The following ETNPPL variants were observed in gnomAD, a reference collection of about 807,000 sequenced individuals.
ETNPPL encodes the protein ethanolamine-phosphate phospho-lyase.
A neutral mutation model predicts 55.5 loss-of-function variants in ETNPPL; 30 were observed. The ratio of observed to expected loss-of-function variants is 0.54; its 90% CI spans 0.40 to 0.73. The LOEUF (loss-of-function observed/expected upper bound fraction) is 0.73, where lower values mean the gene tolerates loss of function less well. Among genes scored for constraint, ETNPPL ranks in the 30% least tolerant of loss-of-function variants. ETNPPL has a pLI of 0.00. For synonymous variants in ETNPPL, 202 were observed against 207.2 expected (o/e 0.98, Z 0.21); for missense variants, 528 against 607.9 (o/e 0.87, Z 1.38).
At position 108,742,177 on chromosome 4, in the gene ETNPPL, G is replaced by A. The variant is rs1728248011; in HGVS notation, c.*307C>T. 1 of 206,564 alleles carries A rather than the reference G, an allele frequency of 4.8e-6. No homozygotes were observed. The highest frequency in any genetic ancestry group is 5.2e-5 in the Admixed American group (1 of 19,192). 12.8% of individuals were successfully genotyped at this position (206,564 alleles called of 1,614,324 possible). A position where few individuals can be genotyped will look rare whatever the true frequency, so the allele number is the denominator to read the frequency against. The stretch of plus-strand genomic sequence containing the variant: ...CCTGTTATACTTTGCTCTCTAATTT[G>A]ACACATTAAAACATGAGAGGTAAAT... On this transcript the variant is annotated 3_prime_UTR_variant, in exon 13 of 13. Coordinates refer to ENST00000296486, the MANE Select transcript of ETNPPL (RefSeq NM_031279.4).
At chr4:108,750,120 A>C (rs1728826153) in intron 7 of ETNPPL, among the ~76,000 whole-genome samples, 1 of 152,184 alleles carries the variant, frequency 6.6e-6, no homozygotes, top group Admixed American at 6.5e-5. Flanking sequence ...TGTAATGGTT[A>C]ATACTGAGTG....
chr4:108,743,656 C>T (rs1232264721), intron 12 of ETNPPL, 133 bp downstream of exon 12: 2 of 691,564 alleles, frequency 2.9e-6, no homozygotes, highest in African/African-American at 3.6e-5. Flanking sequence ...AAAATTGCAA[C>T]AATAAGTGAA....
rs890039959 is a variant in ETNPPL at position 108,749,361 on chromosome 4, G to T, written c.804C>A (p.Asp268Glu). 1 of 1,614,020 alleles carries T rather than the reference G, an allele frequency of 6.2e-7. No homozygotes were observed. The highest frequency in any genetic ancestry group is 1.7e-5 in the Admixed American group (1 of 59,986). ...HFWSFQMYGE[D>E]FVPDIVTMGK... ...CCATTGTGACGATGTCTGGAACAAA[G>T]TCTTCACCATACATCTGGAAGCTCC... Residue 268 changes from aspartate to glutamate, a missense_variant, in exon 8 of 13, where the codon GAC becomes GAA. Coordinates refer to ENST00000296486, the MANE Select transcript of ETNPPL (RefSeq NM_031279.4).
intron 4 of ETNPPL, 35 bp downstream of exon 4, chr4:108,756,383 G>A (rs28523754): frequency 1.3e-6 from 2 of 1,492,440 alleles, no homozygotes; most frequent in African/African-American, 1.4e-5. Context: ...CTCTGAAGAA[G>A]CTTCTTGCTT....
intron 10 of ETNPPL, 30 bp from the exon 11 acceptor site, chr4:108,746,559 T>G (rs749305705): frequency 6.2e-7 from 1 of 1,607,422 alleles, no homozygotes; most frequent in Non-Finnish European, 8.5e-7. Flanking sequence ...CATGTGAGTG[T>G]ATGCAAAGGA....
intron 7 of ETNPPL, among the ~76,000 whole-genome samples, chr4:108,750,546 G>A (rs769756343): frequency 2.8e-5 from 4 of 142,300 alleles, no homozygotes; most frequent in Non-Finnish European, 4.5e-5. Context: ...ATATATATAC[G>A]ATATATATGA....
chr4:108,749,106 G>GA, intron 8 of ETNPPL, 132 bp downstream of exon 8: 2 of 588,880 alleles, frequency 3.4e-6, no homozygotes, highest in Non-Finnish European at 5.9e-6. Flanking sequence ...ATTAAAATAA[G>GA]AAAAAACTTT....
chr4:108,754,493 C>T (rs1234563188), intron 5 of ETNPPL, 127 bp downstream of exon 5: 7 of 606,680 alleles, frequency 1.2e-5, no homozygotes, highest in Non-Finnish European at 2.0e-5. Context: ...TTGACCTTAG[C>T]AAGCCACATA....
intron 1 of ETNPPL, chr4:108,762,631 G>T: frequency 3.0e-6 from 2 of 667,754 alleles, no homozygotes; most frequent in South Asian, 1.7e-5. Flanking sequence ...CTTTCGAGCG[G>T]GCAGGAAGCC....
intron 7 of ETNPPL, 95 bp downstream of exon 7, chr4:108,750,841 C>G: frequency 1.1e-6 from 1 of 927,490 alleles, no homozygotes; most frequent in South Asian, 1.4e-5. Flanking sequence ...ACCAGCTAAT[C>G]AGGAATTATT....
intron 9 of ETNPPL, 54 bp downstream of exon 9, chr4:108,747,951 A>G: frequency 6.9e-7 from 1 of 1,459,174 alleles, no homozygotes; most frequent in Non-Finnish European, 9.4e-7. Context: ...CCTATAAACT[A>G]TTATTATTTT....
intron 5 of ETNPPL, 56 bp from the exon 6 acceptor site, chr4:108,753,067 A>T: frequency 2.2e-6 from 2 of 902,568 alleles, no homozygotes; most frequent in South Asian, 3.0e-5. Context: ...CAAACCTTAA[A>T]AAAAAGGCAT....
At chr4:108,756,536 T>C (rs901558220) in intron 3 of ETNPPL, 44 bp from the exon 4 acceptor site, 2 of 1,445,700 alleles carry the variant, frequency 1.4e-6, no homozygotes, top group Admixed American at 3.3e-5. Flanking sequence ...GACAGTCTCT[T>C]TTTAAAACAT....
At chr4:108,757,993 T>C (rs1729302290) in intron 3 of ETNPPL, among the ~76,000 whole-genome samples, 2 of 148,210 alleles carry the variant, frequency 1.3e-5, no homozygotes, top group Non-Finnish European at 3.0e-5. Context: ...TTAATTTTCA[T>C]ATATATTTCT....
chr4:108,756,135 A>T (rs559886232), intron 4 of ETNPPL, among the ~76,000 whole-genome samples: 1 of 152,230 alleles, frequency 6.6e-6, no homozygotes, highest in Non-Finnish European at 1.5e-5. Flanking sequence ...TCAATGAATA[A>T]TGTGTGAAAA....
At chr4:108,753,176 G>T (rs1728995841) in intron 5 of ETNPPL, among the ~76,000 whole-genome samples, 165 bp from the exon 6 acceptor site, 1 of 152,122 alleles carries the variant, frequency 6.6e-6, no homozygotes. Context: ...ATTCTGTGAA[G>T]AACTGACATC....
At chr4:108,759,688 G>T in intron 3 of ETNPPL, 61 bp downstream of exon 3, 1 of 1,527,272 alleles carries the variant, frequency 6.5e-7, no homozygotes, top group South Asian at 1.2e-5. Flanking sequence ...GGAAAGATTT[G>T]TGTGCAAGAG....
rs1181168627 is a variant in ETNPPL, at chr4:108,743,966, T to C, written c.1304-110A>G. On this transcript the variant is annotated intron_variant, in intron 11 of 12. Transcript: ENST00000296486. ...TAATGAAGAATGGAAGGAAATGTTA[T>C]GTGTTAAAAGAATGGGCTGGGCGCT... The C allele has an allele frequency of 3.6e-5, 27 of 741,280 alleles. No homozygotes were observed. In the Admixed American group the frequency reaches 6.3e-4, roughly 17 times the overall value. 45.9% of individuals were successfully genotyped at this position (741,280 alleles called of 1,614,324 possible).
At chr4:108,761,463 T>C (rs1403344237) in intron 1 of ETNPPL, among the ~76,000 whole-genome samples, 1 of 152,216 alleles carries the variant, frequency 6.6e-6, no homozygotes, top group African/African-American at 2.4e-5. Flanking sequence ...AACTCAGCTG[T>C]TAGTTTATAC....
Sources: gnomAD v4.1 joint callset for allele counts (sites outside exome capture counted in the v4.1 genomes callset) on GRCh38, gnomAD v4.1.1 for gene constraint, MANE v1.5 for transcripts, NCBI Gene and HGNC (gene_info 2026-07-23, HGNC 2026-07-21) for gene names.